RCOR3: variants seen among roughly 807,000 people sequenced by gnomAD.
RCOR3 encodes REST corepressor 3.
In RCOR3, 13 loss-of-function variants were observed where a neutral mutation model predicts 64.1. That is an observed-to-expected ratio of 0.20 (90% confidence interval 0.13 to 0.32). The LOEUF is 0.32. Ranked by LOEUF, RCOR3 falls within the 10% of genes least tolerant of loss-of-function variation. RCOR3 has a pLI of 1.00. For synonymous variants in RCOR3, 215 were observed against 239.0 expected, an observed-to-expected ratio of 0.90 and a Z score of 0.93; for missense variants, 489 against 701.2, an observed-to-expected ratio of 0.70 and a Z score of 3.42.
chr1:211,302,928 C>T (rs1409438389), intron 9 of RCOR3: 1 of 152,172 alleles, frequency 6.6e-6, no homozygotes, highest in Non-Finnish European at 1.5e-5. Context: ...TTTCCTATCT[C>T]CTTTTTCTTT....
At chr1:211,271,740 T>G (rs1696232780) in intron 3 of RCOR3, 1 of 299,726 alleles carries the variant, frequency 3.3e-6, no homozygotes, top group East Asian at 7.6e-5. Context: ...AGGTCATCTT[T>G]GTGCTCTCCA....
rs777603109 is a variant in RCOR3 at position 211,315,777 on chromosome 1, C to T, written c.*2009C>T. 16 of 152,118 alleles carry T rather than the reference C, an allele frequency of 1.1e-4. No homozygotes were observed. The highest frequency in any genetic ancestry group is 2.0e-4 in the Admixed American group (3 of 15,268). The allele number at this position is 152,118 out of a possible 1,614,324, so 9.4% of individuals were successfully genotyped here. A position where few individuals can be genotyped will look rare whatever the true frequency, so the allele number is the denominator to read the frequency against. On this transcript the variant is annotated 3_prime_UTR_variant, in exon 12 of 12. Coordinates refer to ENST00000419091, the MANE Select transcript of RCOR3 (RefSeq NM_001136223.3). ...AATCTCTTCTATCCCAGACATGGGC[C>T]AAGGTGCTGTATCTGAGGGATGTGC...
At chr1:211,269,258 G>A (rs570875489) in intron 2 of RCOR3, among the ~76,000 whole-genome samples, 1 of 152,118 alleles carries the variant, frequency 6.6e-6, no homozygotes, top group East Asian at 1.9e-4. Flanking sequence ...GAGGTTGGGA[G>A]TTCGAGACTA....
intron 5 of RCOR3, 120 bp downstream of exon 5, chr1:211,276,538 A>G: frequency 4.5e-6 from 4 of 893,736 alleles, no homozygotes; most frequent in Non-Finnish European, 6.6e-6. Context: ...AACTATTTGT[A>G]AGTAGGTATA....
rs559627369 is a variant in RCOR3 at position 211,271,095 on chromosome 1, G to A, written c.224-137G>A. On this transcript the variant is annotated intron_variant, in intron 2 of 11. Coordinates refer to ENST00000419091, the MANE Select transcript of RCOR3 (RefSeq NM_001136223.3). The stretch of plus-strand genomic sequence containing the variant: ...GATGGTCTCGATCTCCTGACCTTGT[G>A]ATCCGCCTGCCTCGGCCTCCCAAAG... The A allele has an allele frequency of 7.0e-6, 4 of 573,790 alleles. No homozygotes were observed. In the South Asian group the frequency reaches 7.7e-5, roughly 11 times the overall value. 35.5% of individuals were successfully genotyped at this position (573,790 alleles called of 1,614,324 possible).
At position 211,313,155 on chromosome 1, in the gene RCOR3, A is replaced by G. The variant is rs1404472191; in HGVS notation, c.1317+194A>G. 10 of 1,461,078 alleles carry G rather than the reference A, an allele frequency of 6.8e-6. No individual in the cohort carries two copies. Among genetic ancestry groups the G allele is most frequent in the Non-Finnish European group, 9.0e-6 (10 of 1,115,108 alleles). The allele number at this position is 1,461,078 out of a possible 1,614,324, so 90.5% of individuals were successfully genotyped here. The stretch of plus-strand genomic sequence containing the variant: ...CTAAGTTCTGATTCTAGAAGAATGG[A>G]GAGTGTATTGTTCTTTCATAGTCTT... On this transcript the variant is annotated intron_variant, in intron 11 of 11. Coordinates refer to ENST00000419091, the MANE Select transcript of RCOR3 (RefSeq NM_001136223.3). This position sits in a 1 kb window ranked among gnomAD's most constrained non-coding sequence, Gnocchi z 4.7.
chr1:211,288,734 T>C (rs1698882050), intron 7 of RCOR3, among the ~76,000 whole-genome samples: 1 of 152,008 alleles, frequency 6.6e-6, no homozygotes, highest in South Asian at 2.1e-4. Context: ...TATCTCTCTT[T>C]AACCAGCTGT....
At chr1:211,264,032 G>A (rs1276678731) in intron 2 of RCOR3, among the ~76,000 whole-genome samples, 2 of 152,014 alleles carry the variant, frequency 1.3e-5, no homozygotes, top group African/African-American at 2.4e-5. Flanking sequence ...CATGTTGGCC[G>A]GGCTAGTCTT....
chr1:211,271,238 C>T lies in RCOR3; in HGVS notation c.230C>T (p.Thr77Ile), dbSNP rs987206385. 1.2e-6 allele frequency: 2 copies of T among 1,611,956 alleles called. No homozygotes were observed. The highest frequency in any genetic ancestry group is 2.2e-5 in the South Asian group (2 of 90,918). ...AATTATCTTTTTCCCCCAGGTGCTA[C>T]AAAGTACACAGATAAAGACAATGGA... ...ARIPEFDPGA[T>I]KYTDKDNGGM... The change falls in exon 3 of 12, where the codon ACA (threonine) becomes ATA (isoleucine). Residue 77 changes from threonine (T) to isoleucine (I), a missense_variant. Thr to Ile is a moderately conservative substitution (Grantham distance 89). This residue lies in a region of RCOR3 where 402 missense variants were observed against 617.0 expected (regional missense o/e 0.65). Coordinates refer to ENST00000419091, the MANE Select transcript of RCOR3 (RefSeq NM_001136223.3).
intron 10 of RCOR3, among the ~76,000 whole-genome samples, chr1:211,310,407 A>C (rs1487878742): frequency 1.3e-5 from 2 of 152,194 alleles, no homozygotes; most frequent in African/African-American, 4.8e-5. Context: ...TGAGGTTGGA[A>C]TCCTCAGCCA....
At chr1:211,268,449 G>A (rs1428893783) in intron 2 of RCOR3, among the ~76,000 whole-genome samples, 4 of 130,096 alleles carry the variant, frequency 3.1e-5, no homozygotes, top group Non-Finnish European at 1.6e-5. Context: ...GTGTGATCTC[G>A]GCTCACCGCA....
rs1283543886 is a variant in RCOR3 at position 211,314,336 on chromosome 1, T to C, written c.*568T>C. ...ATCCCTTCTTTCAAAAAATGTTGCT[T>C]TTTTTTTTAAAGGAATTTTAATATA... On this transcript the variant is annotated 3_prime_UTR_variant, in exon 12 of 12. Transcript: ENST00000419091. The C allele has an allele frequency of 1.4e-5, 2 of 146,744 alleles. No individual in the cohort carries two copies. The highest frequency in any genetic ancestry group is 3.1e-5 in the Non-Finnish European group (2 of 64,990). 9.1% of individuals were successfully genotyped at this position (146,744 alleles called of 1,614,324 possible). A position where few individuals can be genotyped will look rare whatever the true frequency, so the allele number is the denominator to read the frequency against.
intron 2 of RCOR3, among the ~76,000 whole-genome samples, chr1:211,265,523 G>T (rs1177151195): frequency 6.6e-6 from 1 of 152,144 alleles, no homozygotes; most frequent in East Asian, 1.9e-4. Flanking sequence ...TTCAAGACCA[G>T]CCTGGCCAAC....
chr1:211,289,081 A>T, intron 7 of RCOR3, 97 bp from the exon 8 acceptor site: 1 of 884,226 alleles, frequency 1.1e-6, no homozygotes, highest in Admixed American at 2.0e-5. Context: ...TTTTATGTGT[A>T]CTTATTGCAG....
In RCOR3 at chr1:211,295,659, G is replaced by C; in HGVS notation, c.940-17G>C. The C allele has an allele frequency of 6.2e-7, 1 of 1,608,946 alleles. No individual in the cohort carries two copies. Among genetic ancestry groups the C allele is most frequent in the South Asian group, 1.1e-5 (1 of 90,942 alleles). On this transcript the variant is annotated splice_polypyrimidine_tract_variant and intron_variant, in intron 8 of 11. Transcript: ENST00000419091. The stretch of plus-strand genomic sequence containing the variant: ...AAGTACGCGATCTGATTCACATTTG[G>C]GGTTATTTTGTTGAAGGTTCAGAAT...
chr1:211,268,365 CTTTCT>C (rs1695559602), intron 2 of RCOR3, among the ~76,000 whole-genome samples: 4 of 85,318 alleles, frequency 4.7e-5, no homozygotes, highest in Admixed American at 1.5e-4. Context: ...AGTTTCTTTT[CTTTCT>C]TTTTTTTTTT....
chr1:211,276,519 A>G, intron 5 of RCOR3, 101 bp downstream of exon 5: 1 of 1,111,076 alleles, frequency 9.0e-7, no homozygotes, highest in African/African-American at 1.6e-5. Context: ...TCTTCAATTT[A>G]ATTTTAAAAA....
At chr1:211,262,816 C>T (rs1382039221) in intron 2 of RCOR3, among the ~76,000 whole-genome samples, 1 of 108,310 alleles carries the variant, frequency 9.2e-6, no homozygotes, top group Non-Finnish European at 1.8e-5. Flanking sequence ...TTTTGCATGG[C>T]CACTGGTTTT....
chr1:211,297,556 G>A (rs754381778), intron 9 of RCOR3, among the ~76,000 whole-genome samples: 8 of 152,026 alleles, frequency 5.3e-5, no homozygotes, highest in Non-Finnish European at 1.2e-4. Flanking sequence ...TATTGGGTGA[G>A]AAGTTATCAG....
Sources: gnomAD v4.1 joint callset for allele counts (sites outside exome capture counted in the v4.1 genomes callset) on GRCh38, gnomAD v4.1.1 for gene constraint, gnomAD v4.1.1 regional missense constraint, Gnocchi (gnomAD v3.1) non-coding constraint, MANE v1.5 for transcripts, NCBI Gene and HGNC (gene_info 2026-07-23, HGNC 2026-07-21) for gene names.